The following MEDAG variants were observed in gnomAD, a reference collection of about 807,000 sequenced individuals.
The protein encoded by MEDAG is mesenteric estrogen dependent adipogenesis.
A neutral mutation model predicts 29.9 loss-of-function variants in MEDAG; 25 were observed. The ratio of observed to expected loss-of-function variants is 0.84; its 90% CI spans 0.61 to 1.17. The LOEUF is 1.17. Among genes scored for constraint, MEDAG ranks in the 50% most tolerant of loss-of-function variants. The probability of loss-of-function intolerance (pLI) is 0.00; values close to 1 mark genes in which losing one functional copy is unlikely to be tolerated. For missense variants in MEDAG, 398 were observed against 372.9 expected (o/e 1.07, Z -0.56); for synonymous variants, 158 against 148.2 (o/e 1.07, Z -0.48).
chr13:30,909,378 T>C (rs781000574), intron 1 of MEDAG, among the ~76,000 whole-genome samples: 1 of 152,044 alleles, frequency 6.6e-6, no homozygotes, highest in Non-Finnish European at 1.5e-5. Context: ...TTTTGACCCT[T>C]AATGGGTTGG....
chr13:30,913,604 G>A (rs913252258), intron 1 of MEDAG, among the ~76,000 whole-genome samples: 3 of 152,108 alleles, frequency 2.0e-5, no homozygotes, highest in African/African-American at 7.2e-5. Flanking sequence ...TTTGGGGCCA[G>A]GGTAAAGCAA....
In MEDAG at chr13:30,924,366, G is replaced by A; in HGVS notation, c.843G>A (p.Glu281=). 2 of 1,613,992 alleles carry A rather than the reference G, an allele frequency of 1.2e-6. No individual in the cohort carries two copies. The highest frequency in any genetic ancestry group is 1.7e-6 in the Non-Finnish European group (2 of 1,179,924). ...TGTCACCCAGATCATCTCTGACAGA[G>A]CCTCTTTTGGCAGAATTACCATTTC... ...CNLSPRSSLT[E]PLLAELPFPS... is the part of the protein sequence containing the mutation. The change falls in exon 5 of 5, where the codon GAG becomes GAA. Residue 281 remains glutamate (E), a synonymous_variant. Transcript: ENST00000380482.
At position 30,924,344 on chromosome 13, in the gene MEDAG, C is replaced by T; in HGVS notation, c.821C>T (p.Ser274Leu). The stretch of plus-strand genomic sequence containing the variant: ...GATGATGTTTTTAACTGCAATCTGT[C>T]ACCCAGATCATCTCTGACAGAGCCT... ...SIDDVFNCNL[S>L]PRSSLTEPLL... The change falls in exon 5 of 5, where the codon TCA becomes TTA. Residue 274 changes from serine (S) to leucine (L), a missense_variant. Transcript: ENST00000380482. The T allele has an allele frequency of 1.2e-6, 2 of 1,613,956 alleles. No individual in the cohort carries two copies. Among genetic ancestry groups the T allele is most frequent in the African/African-American group, 1.3e-5 (1 of 74,994 alleles).
chr13:30,915,905 C>T (rs1952923667), intron 1 of MEDAG: 1 of 152,528 alleles, frequency 6.6e-6, no homozygotes, highest in Admixed American at 6.5e-5. Context: ...AACATCCACA[C>T]CCACCTTTTT....
chr13:30,923,431 A>T (rs1953008997), intron 4 of MEDAG, among the ~76,000 whole-genome samples: 1 of 145,684 alleles, frequency 6.9e-6, no homozygotes. Context: ...TTCCATCTCC[A>T]TTTCTGTCTC....
chr13:30,920,325 C>A (rs1055039795), intron 2 of MEDAG, among the ~76,000 whole-genome samples: 1 of 152,158 alleles, frequency 6.6e-6, no homozygotes, highest in Non-Finnish European at 1.5e-5. Flanking sequence ...GTGGCTTATG[C>A]CTATAATCCC....
At chr13:30,924,276 T>C in intron 4 of MEDAG, 35 bp from the exon 5 acceptor site, 1 of 1,569,968 alleles carries the variant, frequency 6.4e-7, no homozygotes, top group Non-Finnish European at 8.6e-7. Context: ...CTTTCAGTGA[T>C]GGTAATAATG....
chr13:30,920,951 A>G (rs1407074922), intron 2 of MEDAG, 63 bp from the exon 3 acceptor site: 2 of 1,371,052 alleles, frequency 1.5e-6, no homozygotes, highest in African/African-American at 1.4e-5. Context: ...ATAGCAAATT[A>G]TAAGAAGCAT....
rs562772699 is a variant in MEDAG, at chr13:30,906,506, C to T, written c.-10C>T. 1.1e-5 allele frequency: 16 copies of T among 1,505,652 alleles called. No individual in the cohort carries two copies. Among genetic ancestry groups the T allele is most frequent in the Non-Finnish European group, 1.4e-5 (16 of 1,134,648 alleles). The allele number at this position is 1,505,652 out of a possible 1,614,324, so 93.3% of individuals were successfully genotyped here. On this transcript the variant is annotated 5_prime_UTR_variant, in exon 1 of 5. It adds an upstream start codon to the 5' untranslated region. Coordinates refer to ENST00000380482, the MANE Select transcript of MEDAG (RefSeq NM_032849.4). Reference sequence around the variant, plus strand: ...CGGAAGCAGGCGGTGTGAGGACCGACGACGCGGGCATGGCGGGGGCGGCCT... The same window carrying T: ...CGGAAGCAGGCGGTGTGAGGACCGATGACGCGGGCATGGCGGGGGCGGCCT...
chr13:30,920,935 A>T, intron 2 of MEDAG, 79 bp from the exon 3 acceptor site: 1 of 1,127,474 alleles, frequency 8.9e-7, no homozygotes, highest in Non-Finnish European at 1.3e-6. Context: ...GGTGGGAACC[A>T]CTGCAATAGC....
intron 1 of MEDAG, chr13:30,916,709 G>A (rs1240006345): frequency 1.3e-5 from 2 of 152,272 alleles, no homozygotes; most frequent in Admixed American, 1.3e-4. Context: ...AGGCTGCTTG[G>A]AAGATGTGAA....
chr13:30,915,269 T>C (rs1412100593), intron 1 of MEDAG, among the ~76,000 whole-genome samples: 1 of 152,184 alleles, frequency 6.6e-6, no homozygotes, highest in Admixed American at 6.5e-5. Context: ...ATATTCAATA[T>C]GTAGAAGCAA....
Position 30,910,082 on chromosome 13 carries a change from A to G in MEDAG, c.278+3289A>G, listed in dbSNP as rs142307132. On this transcript the variant is annotated intron_variant, in intron 1 of 4. Transcript: ENST00000380482. Reference sequence around the variant, plus strand: ...TCTTTCAAGATCAGGATTTTCGCCCATGTTGTAAACACAATGTGCTCAGGA... The same window carrying G: ...TCTTTCAAGATCAGGATTTTCGCCCGTGTTGTAAACACAATGTGCTCAGGA... Among the ~76,000 whole-genome samples, 27 of 152,204 alleles carry G rather than the reference A, an allele frequency of 1.8e-4. No homozygotes were observed. The East Asian group carries it at 5.2e-3, about 29-fold the overall frequency.
chr13:30,907,755 G>A (rs1003785795), intron 1 of MEDAG, among the ~76,000 whole-genome samples: 2 of 152,244 alleles, frequency 1.3e-5, no homozygotes, highest in Admixed American at 6.5e-5. Flanking sequence ...GAGACACAGC[G>A]CCTTTGCTAC....
intron 1 of MEDAG, among the ~76,000 whole-genome samples, chr13:30,911,084 G>A (rs1160927910): frequency 6.6e-6 from 1 of 152,194 alleles, no homozygotes; most frequent in African/African-American, 2.4e-5. Context: ...CGAGCTGAAT[G>A]ACCTTGGGAA....
chr13:30,912,062 G>A (rs895794773), intron 1 of MEDAG, among the ~76,000 whole-genome samples: 2 of 152,090 alleles, frequency 1.3e-5, no homozygotes, highest in African/African-American at 2.4e-5. Flanking sequence ...CACACAGTAG[G>A]TACTCAGTAA....
chr13:30,915,886 G>A (rs984346675), intron 1 of MEDAG, among the ~76,000 whole-genome samples: 7 of 151,750 alleles, frequency 4.6e-5, no homozygotes, highest in Non-Finnish European at 7.4e-5. Context: ...CACCCACTCC[G>A]TGAGCATCAA....
chr13:30,923,337 TC>T (rs1437034899), intron 4 of MEDAG, among the ~76,000 whole-genome samples: 2 of 152,038 alleles, frequency 1.3e-5, no homozygotes, highest in African/African-American at 4.8e-5. Context: ...TCCTCCTCTC[TC>T]TCTCCATCTC....
rs758482712 is a variant in MEDAG at position 30,925,224 on chromosome 13, G to A, written c.*789G>A. On this transcript the variant is annotated 3_prime_UTR_variant, in exon 5 of 5. Transcript: ENST00000380482. ...TATGTCAGTTGGGAATTTTAAATAA[G>A]CTTTTAGCAAACCTAACACTAAAAG... The A allele has an allele frequency of 2.0e-5, 3 of 152,082 alleles. No individual in the cohort carries two copies. The highest frequency in any genetic ancestry group is 4.4e-5 in the Non-Finnish European group (3 of 68,018). 9.4% of individuals were successfully genotyped at this position (152,082 alleles called of 1,614,324 possible).
Sources: gnomAD v4.1 joint callset for allele counts (sites outside exome capture counted in the v4.1 genomes callset) on GRCh38, gnomAD v4.1.1 for gene constraint, MANE v1.5 for transcripts, NCBI Gene and HGNC (gene_info 2026-07-23, HGNC 2026-07-21) for gene names.